The following FHIP1A variants were observed in gnomAD, a reference collection of about 807,000 sequenced individuals.
FHIP1A encodes the protein FHF complex subunit HOOK interacting protein 1A, also known as FHF complex subunit HOOK-interacting protein 1A.
A neutral mutation model predicts 88.6 loss-of-function variants in FHIP1A; 61 were observed. That is an observed-to-expected ratio of 0.69 (90% CI 0.56 to 0.85). The LOEUF is 0.85. Ranked by LOEUF, FHIP1A falls within the 40% of genes least tolerant of loss-of-function variation. FHIP1A has a pLI of 0.00. For synonymous variants in FHIP1A, 478 were observed against 496.0 expected (o/e 0.96, Z 0.48); for missense variants, 1,154 against 1,273.5 (o/e 0.91, Z 1.43).
At chr4:151,411,419 G>A (rs905790528) in intron 1 of FHIP1A, among the ~76,000 whole-genome samples, 1 of 145,216 alleles carries the variant, frequency 6.9e-6, no homozygotes, top group Non-Finnish European at 1.5e-5. Context: ...GCATGATCTC[G>A]GCTCACTGCA....
chr4:151,643,018 T>A (rs1736650409), intron 9 of FHIP1A, among the ~76,000 whole-genome samples: 3 of 151,666 alleles, frequency 2.0e-5, no homozygotes, highest in Admixed American at 2.0e-4. Flanking sequence ...TTTATTAGTC[T>A]CTGATTATTT....
intron 3 of FHIP1A, among the ~76,000 whole-genome samples, chr4:151,526,602 C>T (rs1291059230): frequency 9.8e-5 from 14 of 142,224 alleles, no homozygotes; most frequent in Non-Finnish European, 1.7e-4. Context: ...GGCGGCTGGC[C>T]GGGCGAGGGG....
At chr4:151,491,241 A>G (rs1488820518) in intron 3 of FHIP1A, among the ~76,000 whole-genome samples, 1 of 152,216 alleles carries the variant, frequency 6.6e-6, no homozygotes. Context: ...GCTGTGAGGC[A>G]AAAACATCTG....
intron 2 of FHIP1A, among the ~76,000 whole-genome samples, chr4:151,473,185 G>GTT (rs1368978926): frequency 1.3e-5 from 2 of 152,060 alleles, no homozygotes; most frequent in African/African-American, 2.4e-5. Context: ...GCTGGATAAT[G>GTT]TTCATAAAGA....
intron 6 of FHIP1A, among the ~76,000 whole-genome samples, chr4:151,588,023 T>C (rs1156728891): frequency 6.6e-6 from 1 of 152,082 alleles, no homozygotes. Context: ...TGACTTTCTT[T>C]CTCTTTTTCA....
At chr4:151,417,586 C>T (rs548524087) in intron 1 of FHIP1A, among the ~76,000 whole-genome samples, 3 of 152,116 alleles carry the variant, frequency 2.0e-5, no homozygotes, top group Admixed American at 6.5e-5. Context: ...AGCCTCTGGT[C>T]CTTTTGTTAC....
chr4:151,495,878 C>CA (rs1453949203), intron 3 of FHIP1A, among the ~76,000 whole-genome samples: 1 of 152,058 alleles, frequency 6.6e-6, no homozygotes, highest in Non-Finnish European at 1.5e-5. Flanking sequence ...CCGCATTGGC[C>CA]ACCCAAAGTG....
At chr4:151,501,063 T>A (rs1360747952) in intron 3 of FHIP1A, among the ~76,000 whole-genome samples, 1 of 152,164 alleles carries the variant, frequency 6.6e-6, no homozygotes, top group African/African-American at 2.4e-5. Context: ...TGGGCATAGA[T>A]AACAAAATAC....
intron 3 of FHIP1A, among the ~76,000 whole-genome samples, chr4:151,529,378 A>T (rs1731793158): frequency 6.6e-6 from 1 of 152,188 alleles, no homozygotes; most frequent in Admixed American, 6.5e-5. Flanking sequence ...CTTGTGTCTC[A>T]GATTTACCTG....
chr4:151,577,677 T>C lies in FHIP1A; in HGVS notation c.333T>C (p.Thr111=), dbSNP rs1158134797. Residue 111 remains threonine, a synonymous_variant, in exon 5 of 14, where the codon ACT becomes ACC. Coordinates refer to ENST00000435205, the MANE Select transcript of FHIP1A (RefSeq NM_001109977.3). The stretch of plus-strand genomic sequence containing the variant: ...TTTGGAGCTTGAGAAGGGAGTTTAC[T>C]GATGAGACTAAAATTGAGCAGCTAA... ...LFLWSLRREF[T]DETKIEQLKM... The C allele has an allele frequency of 1.3e-6, 2 of 1,551,676 alleles. No individual in the cohort carries two copies. Among genetic ancestry groups the C allele is most frequent in the East Asian group, 2.4e-5 (1 of 40,924 alleles).
chr4:151,473,157 C>T (rs998013616), intron 2 of FHIP1A, among the ~76,000 whole-genome samples: 6 of 152,016 alleles, frequency 3.9e-5, no homozygotes, highest in African/African-American at 1.4e-4. Flanking sequence ...TCCTTTTATA[C>T]TGGTAAATGA....
intron 3 of FHIP1A, among the ~76,000 whole-genome samples, chr4:151,539,142 C>G (rs371169574): frequency 6.6e-6 from 1 of 152,192 alleles, no homozygotes; most frequent in African/African-American, 2.4e-5. Context: ...TAGCACTTCT[C>G]CCCCAAAGGA....
intron 3 of FHIP1A, among the ~76,000 whole-genome samples, chr4:151,505,725 C>G (rs1337596414): frequency 6.6e-6 from 1 of 151,986 alleles, no homozygotes. Context: ...GCCTGTAGTC[C>G]CACCTACTCA....
At chr4:151,512,782 C>T (rs569849737) in intron 3 of FHIP1A, among the ~76,000 whole-genome samples, 22 of 152,108 alleles carry the variant, frequency 1.4e-4, no homozygotes, top group Non-Finnish European at 2.6e-4. Context: ...AACAAAGCCT[C>T]CAAGAAATAT....
intron 7 of FHIP1A, among the ~76,000 whole-genome samples, chr4:151,612,786 T>C (rs1474781819): frequency 6.6e-6 from 1 of 152,222 alleles, no homozygotes; most frequent in African/African-American, 2.4e-5. Flanking sequence ...GCTTAAATTT[T>C]GGGTGGCCTT....
chr4:151,551,840 TAATTAAACTAA>T (rs1276633037), intron 3 of FHIP1A, among the ~76,000 whole-genome samples: 2 of 152,154 alleles, frequency 1.3e-5, no homozygotes, highest in African/African-American at 4.8e-5. Context: ...AAATGGGATC[TAATTAAACTAA>T]AGAGTGCACA....
intron 1 of FHIP1A, among the ~76,000 whole-genome samples, chr4:151,448,178 G>A (rs568748535): frequency 2.0e-5 from 3 of 151,682 alleles, no homozygotes; most frequent in Non-Finnish European, 2.9e-5. Flanking sequence ...CTTAGCCTCC[G>A]AAAGTGCTGG....
intron 3 of FHIP1A, among the ~76,000 whole-genome samples, chr4:151,526,299 G>A (rs6856392): frequency 0.12 from 18,797 of 151,804 alleles, 1,266 homozygotes; most frequent in African/African-American, 0.17. Context: ...GGTGGTGGCC[G>A]GGCAGAGGAG....
At chr4:151,539,966 C>T (rs1057174303) in intron 3 of FHIP1A, among the ~76,000 whole-genome samples, 1 of 152,174 alleles carries the variant, frequency 6.6e-6, no homozygotes, top group Non-Finnish European at 1.5e-5. Flanking sequence ...TGGAAGGATT[C>T]TGCACTGAAT....
Sources: gnomAD v4.1 joint callset for allele counts (sites outside exome capture counted in the v4.1 genomes callset) on GRCh38, gnomAD v4.1.1 for gene constraint, MANE v1.5 for transcripts, NCBI Gene and HGNC (gene_info 2026-07-23, HGNC 2026-07-21) for gene names.